CSMD1: variants seen among roughly 807,000 people sequenced by gnomAD.
CSMD1 encodes CUB and Sushi multiple domains 1, also known as CUB and sushi domain-containing protein 1.
In CSMD1, 213 loss-of-function variants were observed where a neutral mutation model predicts 417.5. The ratio of observed to expected loss-of-function variants is 0.51; its 90% CI spans 0.46 to 0.57. CSMD1 has a LOEUF of 0.57. Among genes scored for constraint, CSMD1 ranks in the 20% least tolerant of loss-of-function variants. The pLI, the probability that CSMD1 is intolerant of heterozygous loss-of-function variation, is 0.00. For missense variants in CSMD1, 6,923 were observed against 4,529.7 expected (o/e 1.53, Z -15.17); for synonymous variants, 2,862 against 1,736.8 (o/e 1.65, Z -16.11).
chr8:3,174,941 G>C (rs1820812138), intron 37 of CSMD1, among the ~76,000 whole-genome samples: 1 of 151,686 alleles, frequency 6.6e-6, no homozygotes, highest in African/African-American at 2.4e-5. Flanking sequence ...GATCTTATTT[G>C]TTCATGACAT....
intron 6 of CSMD1, among the ~76,000 whole-genome samples, chr8:3,719,237 T>G (rs1307182451): frequency 1.3e-5 from 2 of 151,532 alleles, no homozygotes; most frequent in Non-Finnish European, 2.9e-5. Context: ...GGTGTTCACC[T>G]TGCAAGGTGA....
intron 37 of CSMD1, among the ~76,000 whole-genome samples, chr8:3,166,278 C>G (rs1366050332): frequency 1.3e-5 from 2 of 152,120 alleles, no homozygotes; most frequent in African/African-American, 4.8e-5. Flanking sequence ...TGCCTGTAAT[C>G]CAGGCACTTT....
chr8:3,622,845 G>A (rs987193116), intron 7 of CSMD1, among the ~76,000 whole-genome samples: 3 of 152,138 alleles, frequency 2.0e-5, no homozygotes, highest in Non-Finnish European at 4.4e-5. Flanking sequence ...CTCCAAGGTT[G>A]GAAAGAATCA....
At chr8:3,935,341 G>A (rs373630583) in intron 5 of CSMD1, among the ~76,000 whole-genome samples, 2 of 152,182 alleles carry the variant, frequency 1.3e-5, no homozygotes, top group Admixed American at 6.5e-5. Context: ...ATACTTGGTT[G>A]TTTCACTTAA....
chr8:3,292,797 C>G (rs1050964381), intron 25 of CSMD1, among the ~76,000 whole-genome samples: 2 of 152,034 alleles, frequency 1.3e-5, no homozygotes, highest in Non-Finnish European at 2.9e-5. Flanking sequence ...CAGTCTCTGT[C>G]TTTTAATTGG....
chr8:3,254,719 C>T (rs1036395086), intron 26 of CSMD1, among the ~76,000 whole-genome samples: 13 of 152,132 alleles, frequency 8.5e-5, no homozygotes, highest in South Asian at 2.1e-4. Flanking sequence ...TTTTCAGCTC[C>T]GTCAGGTCCT....
At chr8:4,424,675 A>G (rs1328620397) in intron 2 of CSMD1, among the ~76,000 whole-genome samples, 1 of 152,052 alleles carries the variant, frequency 6.6e-6, no homozygotes, top group Non-Finnish European at 1.5e-5. Flanking sequence ...TCCTTTAAAA[A>G]CGAAACACGT....
chr8:4,049,465 G>C (rs1420483487), intron 3 of CSMD1, among the ~76,000 whole-genome samples: 1 of 150,710 alleles, frequency 6.6e-6, no homozygotes, highest in African/African-American at 2.4e-5. Flanking sequence ...CCAGTCCCTG[G>C]CATTCAAATA....
intron 10 of CSMD1, among the ~76,000 whole-genome samples, chr8:3,574,196 G>C (rs1800053237): frequency 1.3e-5 from 2 of 152,218 alleles, no homozygotes; most frequent in South Asian, 4.1e-4. Context: ...TATAGCTTAT[G>C]AGAAGAAACA....
Position 3,351,480 on chromosome 8 carries a change from AC to A in CSMD1, c.3305-3320del, listed in dbSNP as rs1808417090. Among the ~76,000 whole-genome samples, 5 of 151,678 alleles carry A rather than the reference AC, an allele frequency of 3.3e-5. No homozygotes were observed. In the South Asian group the frequency reaches 1.0e-3, roughly 32 times the overall value. ...ACAAAAATTAGCTAGGCGTGGTGGC[AC>A]ATGCCTGTAATCCCAGCTACTTCGG... On this transcript the variant is annotated intron_variant, in intron 21 of 69. Transcript: ENST00000635120.
intron 3 of CSMD1, among the ~76,000 whole-genome samples, chr8:4,056,194 G>C (rs769091079): frequency 3.5e-5 from 5 of 141,146 alleles, no homozygotes; most frequent in Non-Finnish European, 7.5e-5. Flanking sequence ...CAATTCTCTT[G>C]CCTCAGCCTC....
chr8:4,031,046 T>C (rs900925174), intron 4 of CSMD1, among the ~76,000 whole-genome samples: 1 of 152,166 alleles, frequency 6.6e-6, no homozygotes, highest in Non-Finnish European at 1.5e-5. Flanking sequence ...TCATCAGCAC[T>C]TTGGTCAAAG....
rs535182499 is a variant in CSMD1 at position 3,798,304 on chromosome 8, T to G, written c.819-44262A>C. Among the ~76,000 whole-genome samples, 34 of 152,176 alleles carry G rather than the reference T, an allele frequency of 2.2e-4. 1 individual carries two copies. In the East Asian group the frequency reaches 4.8e-3, roughly 22 times the overall value. On this transcript the variant is annotated intron_variant, in intron 5 of 69. Coordinates refer to ENST00000635120, the MANE Select transcript of CSMD1 (RefSeq NM_033225.6). Reference sequence around the variant, plus strand: ...CAATGTTATTTCCTCTTAGGATTAGTGCTTCGTCTATCTTAAGACAACTCA... The same window carrying G: ...CAATGTTATTTCCTCTTAGGATTAGGGCTTCGTCTATCTTAAGACAACTCA...
chr8:3,551,906 C>A (rs1029505633), intron 10 of CSMD1, among the ~76,000 whole-genome samples: 1 of 152,050 alleles, frequency 6.6e-6, no homozygotes, highest in Non-Finnish European at 1.5e-5. Flanking sequence ...GCATGTGGTA[C>A]CTGTGTCAGT....
chr8:3,429,974 A>G lies in CSMD1; in HGVS notation c.1562-20369T>C, dbSNP rs556958976. The stretch of plus-strand genomic sequence containing the variant: ...TATGTATTAATCGATATCTGTATGT[A>G]TGTATGTATGTATGTGTGTATGGGT... On this transcript the variant is annotated intron_variant, in intron 12 of 69. Transcript: ENST00000635120. 2.0e-5 allele frequency among the ~76,000 whole-genome samples: 3 copies of G among 152,244 alleles called. No homozygotes were observed. In the South Asian group the frequency reaches 6.2e-4, roughly 32 times the overall value.
intron 3 of CSMD1, among the ~76,000 whole-genome samples, chr8:4,263,075 G>C (rs899391931): frequency 6.6e-6 from 1 of 152,074 alleles, no homozygotes; most frequent in South Asian, 2.1e-4. Context: ...CACTTTTAAT[G>C]AGATATATTA....
chr8:3,333,454 A>G (rs775586890), intron 23 of CSMD1, among the ~76,000 whole-genome samples: 16 of 152,352 alleles, frequency 1.1e-4, no homozygotes, highest in Middle Eastern at 3.4e-3. Context: ...TATTTTCCCA[A>G]CGTTTTTCTC....
At chr8:4,082,010 A>G (rs1370948499) in intron 3 of CSMD1, among the ~76,000 whole-genome samples, 3 of 152,168 alleles carry the variant, frequency 2.0e-5, no homozygotes, top group African/African-American at 7.2e-5. Flanking sequence ...AAATATATAA[A>G]ATTTTAAAAG....
At chr8:3,153,596 T>C (rs1015204422) in intron 39 of CSMD1, among the ~76,000 whole-genome samples, 2 of 152,224 alleles carry the variant, frequency 1.3e-5, no homozygotes, top group African/African-American at 4.8e-5. Context: ...AAAAGTTCCT[T>C]TTGATTTTAG....
Sources: gnomAD v4.1 joint callset for allele counts (sites outside exome capture counted in the v4.1 genomes callset) on GRCh38, gnomAD v4.1.1 for gene constraint, MANE v1.5 for transcripts, NCBI Gene and HGNC (gene_info 2026-07-23, HGNC 2026-07-21) for gene names.